GATA4: variants seen among roughly 807,000 people sequenced by gnomAD.
GATA4 encodes GATA binding protein 4, also known as transcription factor GATA-4.
In GATA4, 7 loss-of-function variants were observed where a neutral mutation model predicts 37.9. That is an observed-to-expected ratio of 0.18 (90% CI 0.11 to 0.35). GATA4 has a LOEUF of 0.35. Among genes scored for constraint, GATA4 ranks in the 10% least tolerant of loss-of-function variants. The pLI is 1.00. For synonymous variants in GATA4, 372 were observed against 292.6 expected (o/e 1.27, Z -2.77); for missense variants, 647 against 653.0 (o/e 0.99, Z 0.10).
intron 2 of GATA4, among the ~76,000 whole-genome samples, chr8:11,725,693 A>G (rs988062230): frequency 3.3e-5 from 5 of 152,212 alleles, no homozygotes; most frequent in African/African-American, 1.2e-4. Context: ...CTGTCGTGGC[A>G]GGGAAGAGCG....
Position 11,758,176 on chromosome 8 carries a change from C to T in GATA4, c.1150-117C>T, listed in dbSNP as rs1392484470. On this transcript the variant is annotated intron_variant, in intron 6 of 6. Coordinates refer to ENST00000532059, the MANE Select transcript of GATA4 (RefSeq NM_001308093.3). The stretch of plus-strand genomic sequence containing the variant: ...GAGAGAAGTGCTCCTTGGTCCCTTC[C>T]TGAGGGCTGAAGCCATCCTGGGGAC... 1.0e-5 allele frequency: 10 copies of T among 989,296 alleles called. No homozygotes were observed. In the Admixed American group the frequency reaches 1.4e-4, roughly 14 times the overall value. 61.3% of individuals were successfully genotyped at this position (989,296 alleles called of 1,614,324 possible).
intron 2 of GATA4, among the ~76,000 whole-genome samples, chr8:11,737,318 C>G (rs1408218608): frequency 2.0e-5 from 3 of 152,200 alleles, no homozygotes; most frequent in Admixed American, 6.5e-5. Context: ...GCTGCCATTC[C>G]AGAGGCGAAG....
intron 1 of GATA4, among the ~76,000 whole-genome samples, chr8:11,678,735 T>C (rs1300768090): frequency 6.6e-6 from 1 of 152,358 alleles, no homozygotes; most frequent in Non-Finnish European, 1.5e-5. Context: ...CGGTCTACAG[T>C]AAAGGATACT....
At chr8:11,719,093 CT>C in intron 2 of GATA4, among the ~76,000 whole-genome samples, 1 of 152,270 alleles carries the variant, frequency 6.6e-6, no homozygotes, top group South Asian at 2.1e-4. Context: ...ACATTTTATT[CT>C]GATAAAAGTT....
chr8:11,758,232 A>C, intron 6 of GATA4, 61 bp from the exon 7 acceptor site: 1 of 1,576,114 alleles, frequency 6.3e-7, no homozygotes, highest in Non-Finnish European at 8.7e-7. Flanking sequence ...TCCCCAGCCT[A>C]GACCTCCCAA....
intron 2 of GATA4, among the ~76,000 whole-genome samples, chr8:11,737,955 C>T (rs536159601): frequency 9.9e-5 from 15 of 152,140 alleles, no homozygotes; most frequent in East Asian, 3.9e-4. Flanking sequence ...CCGAGCCTGG[C>T]GGATCACCTA....
intron 2 of GATA4, among the ~76,000 whole-genome samples, chr8:11,714,940 G>A (rs568997927): frequency 5.1e-4 from 77 of 152,188 alleles, no homozygotes; most frequent in Non-Finnish European, 6.9e-4. Flanking sequence ...CCTGGACTCC[G>A]GAATTTTCAC....
intron 2 of GATA4, among the ~76,000 whole-genome samples, chr8:11,721,752 T>C (rs1267472201): frequency 6.6e-6 from 1 of 152,190 alleles, no homozygotes; most frequent in African/African-American, 2.4e-5. Context: ...TCAAGCATCT[T>C]GTAATTCTGC....
chr8:11,681,419 G>A, intron 1 of GATA4: 1 of 984,850 alleles, frequency 1.0e-6, no homozygotes, highest in Non-Finnish European at 1.2e-6. Context: ...GGCTCAACTC[G>A]GGGGCCGTAG....
chr8:11,720,302 G>A (rs1252264208), intron 2 of GATA4, among the ~76,000 whole-genome samples: 1 of 151,998 alleles, frequency 6.6e-6, no homozygotes, highest in Non-Finnish European at 1.5e-5. Flanking sequence ...CGGTACCACA[G>A]AGGCCACATT....
At chr8:11,684,404 G>A (rs1461184173) in intron 1 of GATA4, among the ~76,000 whole-genome samples, 1 of 152,178 alleles carries the variant, frequency 6.6e-6, no homozygotes, top group Non-Finnish European at 1.5e-5. Context: ...AGTTGAAAAT[G>A]ACATCTTTTT....
intron 2 of GATA4, among the ~76,000 whole-genome samples, chr8:11,737,998 T>C (rs990101447): frequency 1.5e-4 from 23 of 151,984 alleles, no homozygotes; most frequent in African/African-American, 4.8e-4. Context: ...CTGACCAACA[T>C]GGTGAAACCC....
intron 2 of GATA4, among the ~76,000 whole-genome samples, chr8:11,742,046 C>G (rs1326213252): frequency 3.3e-5 from 5 of 152,194 alleles, no homozygotes; most frequent in Non-Finnish European, 7.3e-5. Context: ...CTCTAAAGCT[C>G]ATGAACTTTC....
At chr8:11,704,781 G>T (rs1489090241) in intron 1 of GATA4, among the ~76,000 whole-genome samples, 2 of 152,238 alleles carry the variant, frequency 1.3e-5, no homozygotes, top group Admixed American at 6.5e-5. Flanking sequence ...GCTCCGCTGG[G>T]CCTCAGGGGC....
chr8:11,710,447 C>G (rs1263541424), intron 2 of GATA4, among the ~76,000 whole-genome samples: 1 of 151,364 alleles, frequency 6.6e-6, no homozygotes, highest in African/African-American at 2.4e-5. Flanking sequence ...GGGCCTCTGA[C>G]TTAAAATAGG....
At chr8:11,747,916 C>G (rs1041233107) in intron 2 of GATA4, among the ~76,000 whole-genome samples, 4 of 152,174 alleles carry the variant, frequency 2.6e-5, no homozygotes, top group African/African-American at 9.7e-5. Context: ...AATTATATAG[C>G]TTGGCAAAAA....
At chr8:11,698,592 G>T (rs1799574978) in intron 1 of GATA4, among the ~76,000 whole-genome samples, 2 of 152,014 alleles carry the variant, frequency 1.3e-5, no homozygotes, top group Non-Finnish European at 2.9e-5. Context: ...CGGCTGACTT[G>T]GTCTCTCCAT....
At chr8:11,736,197 G>T (rs962913403) in intron 2 of GATA4, among the ~76,000 whole-genome samples, 4 of 152,208 alleles carry the variant, frequency 2.6e-5, no homozygotes, top group Non-Finnish European at 5.9e-5. Context: ...GAGCCACCAT[G>T]CCTGGCCTGT....
At chr8:11,697,966 G>A in intron 1 of GATA4, 1 of 985,484 alleles carries the variant, frequency 1.0e-6, no homozygotes, top group Non-Finnish European at 1.2e-6. Flanking sequence ...CGCTCCAGCC[G>A]CGGGTGTCCC....
Sources: allele counts gnomAD v4.1 joint callset (sites outside exome capture counted in the v4.1 genomes callset), GRCh38; gene constraint gnomAD v4.1.1; transcripts MANE v1.5; gene names NCBI Gene and HGNC (gene_info 2026-07-23, HGNC 2026-07-21).